The following PIP4P2 variants were observed in gnomAD, a reference collection of about 807,000 sequenced individuals.
The protein encoded by PIP4P2 is type 2 phosphatidylinositol 4,5-bisphosphate 4-phosphatase.
Under a neutral mutation model 33.3 loss-of-function variants are expected in PIP4P2, and 19 were observed. The observed-to-expected ratio is 0.57, with a 90% CI of 0.40 to 0.84. PIP4P2 has a LOEUF of 0.84. Ranked by LOEUF, PIP4P2 falls within the 40% of genes least tolerant of loss-of-function variation. The probability of loss-of-function intolerance (pLI) is 0.00; values close to 1 mark genes in which losing one functional copy is unlikely to be tolerated. For synonymous variants in PIP4P2, 110 were observed against 111.9 expected (o/e 0.98, Z 0.11); for missense variants, 270 against 324.7 (o/e 0.83, Z 1.29).
intron 5 of PIP4P2, among the ~76,000 whole-genome samples, chr8:91,006,007 GA>G (rs1434019182): frequency 2.0e-5 from 3 of 152,184 alleles, no homozygotes; most frequent in African/African-American, 4.8e-5. Context: ...AGCTCTAGGG[GA>G]AGCTTTCCCC....
intron 4 of PIP4P2, among the ~76,000 whole-genome samples, chr8:91,010,696 G>T (rs1811822378): frequency 6.6e-6 from 1 of 151,692 alleles, no homozygotes; most frequent in Non-Finnish European, 1.5e-5. Context: ...CTTTGGAAAA[G>T]AAGTTGACTT....
intron 1 of PIP4P2, among the ~76,000 whole-genome samples, chr8:91,027,948 G>A (rs535354972): frequency 1.4e-4 from 21 of 152,250 alleles, no homozygotes; most frequent in Admixed American, 1.3e-3. Context: ...ATCCTGCTGT[G>A]GTTTCCCTCC....
At chr8:91,004,202 G>A (rs1811739023) in intron 5 of PIP4P2, among the ~76,000 whole-genome samples, 2 of 152,152 alleles carry the variant, frequency 1.3e-5, no homozygotes, top group African/African-American at 4.8e-5. Context: ...CTGCGGAGCT[G>A]AGGGACCACT....
At chr8:91,005,969 A>G (rs1288542826) in intron 5 of PIP4P2, among the ~76,000 whole-genome samples, 1 of 152,258 alleles carries the variant, frequency 6.6e-6, no homozygotes, top group Non-Finnish European at 1.5e-5. Flanking sequence ...AGAAACAGCA[A>G]TATGAGAAAA....
chr8:91,040,852 C>T lies in PIP4P2; in HGVS notation c.-103G>A. Reference sequence around the variant, plus strand: ...TCTGCTGCCGCTGCTGCCGCTGCAGCTGCTGCTGCTGCCGCCTCCGGGAGG... The same window carrying T: ...TCTGCTGCCGCTGCTGCCGCTGCAGTTGCTGCTGCTGCCGCCTCCGGGAGG... On this transcript the variant is annotated 5_prime_UTR_variant, in exon 1 of 7. Transcript: ENST00000285419. 1.1e-6 allele frequency: 1 copy of T among 930,946 alleles called. No individual in the cohort carries two copies. The highest frequency in any genetic ancestry group is 1.6e-6 in the Non-Finnish European group (1 of 641,998). 57.7% of individuals were successfully genotyped at this position (930,946 alleles called of 1,614,324 possible). A position where few individuals can be genotyped will look rare whatever the true frequency, so the allele number is the denominator to read the frequency against.
intron 4 of PIP4P2, among the ~76,000 whole-genome samples, chr8:91,011,764 T>G (rs1811840511): frequency 6.6e-6 from 1 of 151,978 alleles, no homozygotes; most frequent in South Asian, 2.1e-4. Context: ...GTATGAATAG[T>G]GTAAATATTG....
chr8:91,013,014 G>A (rs1811859705), intron 4 of PIP4P2, among the ~76,000 whole-genome samples: 1 of 152,060 alleles, frequency 6.6e-6, no homozygotes, highest in Non-Finnish European at 1.5e-5. Flanking sequence ...TATTAGTACA[G>A]TCAATTCTCT....
intron 4 of PIP4P2, among the ~76,000 whole-genome samples, chr8:91,009,414 T>C (rs1320689049): frequency 6.6e-6 from 1 of 152,060 alleles, no homozygotes; most frequent in East Asian, 1.9e-4. Flanking sequence ...TTGTAGATAG[T>C]CTTTGAAGGA....
chr8:91,039,872 CT>C (rs1240301906), intron 1 of PIP4P2, among the ~76,000 whole-genome samples: 1 of 152,000 alleles, frequency 6.6e-6, no homozygotes, highest in Non-Finnish European at 1.5e-5. Flanking sequence ...TGCATTTAAT[CT>C]TTTTTTATTC....
In PIP4P2 at chr8:91,018,493, C is replaced by A; in HGVS notation, c.383G>T (p.Gly128Val). Residue 128 changes from glycine (G) to valine (V), a missense_variant, in exon 4 of 7, where the codon GGC becomes GTC. Physicochemically the swap from Gly to Val is moderately radical, Grantham distance 109. Coordinates refer to ENST00000285419, the MANE Select transcript of PIP4P2 (RefSeq NM_018710.3). Reference sequence around the variant, plus strand: ...TTCTTCAGAAATAAGCATTACTGGGCCAAGGTTAATTATCCGTCTACTGTG... The same window carrying A: ...TTCTTCAGAAATAAGCATTACTGGGACAAGGTTAATTATCCGTCTACTGTG... ...RPNCRRIINL[G>V]PVMLISEEQP... is the part of the protein sequence containing the mutation. 3 of 1,613,762 alleles carry A rather than the reference C, an allele frequency of 1.9e-6. No individual in the cohort carries two copies. Among genetic ancestry groups the A allele is most frequent in the Non-Finnish European group, 2.5e-6 (3 of 1,179,858 alleles).
At chr8:91,022,320 A>T (rs1292218250) in intron 1 of PIP4P2, among the ~76,000 whole-genome samples, 1 of 152,172 alleles carries the variant, frequency 6.6e-6, no homozygotes, top group Non-Finnish European at 1.5e-5. Flanking sequence ...TGACTCAGTG[A>T]GTGAGTGAAG....
At chr8:91,033,791 T>C (rs914547255) in intron 1 of PIP4P2, among the ~76,000 whole-genome samples, 1 of 152,124 alleles carries the variant, frequency 6.6e-6, no homozygotes, top group Non-Finnish European at 1.5e-5. Context: ...TTTATTTATT[T>C]ATTTTTGAGA....
At position 91,005,291 on chromosome 8, in the gene PIP4P2, A is replaced by G. The variant is rs544032792; in HGVS notation, c.539+3452T>C. Among the ~76,000 whole-genome samples the G allele has an allele frequency of 3.5e-3, 527 of 152,086 alleles. 1 individual carries two copies. Among genetic ancestry groups the G allele is most frequent in the Middle Eastern group, 6.8e-3 (2 of 294 alleles). On this transcript the variant is annotated intron_variant, in intron 5 of 6. Coordinates refer to ENST00000285419, the MANE Select transcript of PIP4P2 (RefSeq NM_018710.3). ...TTTCACATTCAGTCCTATCCATTCC[A>G]TTTCCTTACTAGTACATCTATACTC...
intron 5 of PIP4P2, among the ~76,000 whole-genome samples, chr8:90,999,209 T>C (rs577759395): frequency 6.6e-6 from 1 of 152,146 alleles, no homozygotes; most frequent in Non-Finnish European, 1.5e-5. Flanking sequence ...AAAACCACAA[T>C]GAGATACCAT....
rs1554582256 is a variant in PIP4P2 at position 91,011,019 on chromosome 8, G to GAGAAAGAT, written c.487-2225_487-2224insATCTTTCT. Among the ~76,000 whole-genome samples the GAGAAAGAT allele has an allele frequency of 3.4e-5, 5 of 145,276 alleles. 1 individual carries two copies. The highest frequency in any genetic ancestry group is 3.0e-5 in the Non-Finnish European group (2 of 66,630). On this transcript the variant is annotated intron_variant, in intron 4 of 6. Transcript: ENST00000285419. Reference sequence around the variant, plus strand: ...TAATTTAATTTTATAGTATCTTACTGAGATAGATAGATAGATAGATAGATA... The same window carrying GAGAAAGAT: ...TAATTTAATTTTATAGTATCTTACTGAGAAAGATAGATAGATAGATAGATAGATAGATA...
intron 4 of PIP4P2, chr8:91,016,506 G>C (rs112300480): frequency 8.5e-5 from 13 of 152,242 alleles, no homozygotes; most frequent in Non-Finnish European, 7.4e-5. Context: ...ATCAACAATG[G>C]AACAAAGACT....
chr8:91,018,302 G>T, intron 4 of PIP4P2, 88 bp downstream of exon 4: 1 of 1,554,150 alleles, frequency 6.4e-7, no homozygotes, highest in Non-Finnish European at 8.7e-7. Context: ...TTTGCATTTG[G>T]ACAAAACTAT....
intron 1 of PIP4P2, among the ~76,000 whole-genome samples, chr8:91,030,358 T>A (rs1471155784): frequency 6.6e-6 from 1 of 152,148 alleles, no homozygotes; most frequent in Non-Finnish European, 1.5e-5. Context: ...CCTATTAATA[T>A]CTTTATAGGC....
At position 91,021,396 on chromosome 8, in the gene PIP4P2, G is replaced by C; in HGVS notation, c.115C>G (p.Pro39Ala). The change falls in exon 2 of 7, where the codon CCA becomes GCA. Residue 39 changes from proline (P) to alanine (A), a missense_variant. Transcript: ENST00000285419. ...LQESSPRAELPPPYTAIASPD... is the reference protein window; with the variant it reads ...LQESSPRAELAPPYTAIASPD... ...CTGGCAATGGCTGTATATGGAGGTG[G>C]GAGCTCCGCTGAAAAGATATTAGTC... 1 of 1,613,516 alleles carries C rather than the reference G, an allele frequency of 6.2e-7. No homozygotes were observed. Among genetic ancestry groups the C allele is most frequent in the Non-Finnish European group, 8.5e-7 (1 of 1,179,636 alleles).
Sources: allele counts gnomAD v4.1 joint callset (sites outside exome capture counted in the v4.1 genomes callset), GRCh38; gene constraint gnomAD v4.1.1; transcripts MANE v1.5; gene names NCBI Gene and HGNC (gene_info 2026-07-23, HGNC 2026-07-21).